Variants in TRAPPC8 observed in about 807,000 individuals in gnomAD.
TRAPPC8 encodes general sporulation gene 1 homolog.
TRAPPC8 carries 54 observed loss-of-function variants against 174.3 expected under a neutral mutation model. The observed-to-expected ratio is 0.31, with a 90% confidence interval of 0.25 to 0.39. The LOEUF (loss-of-function observed/expected upper bound fraction) is 0.39, where lower values mean the gene tolerates loss of function less well. TRAPPC8 is among the 10% of genes least tolerant of loss of function. The probability of loss-of-function intolerance (pLI) is 1.00; values close to 1 mark genes in which losing one functional copy is unlikely to be tolerated. For synonymous variants in TRAPPC8, 630 were observed against 579.9 expected (o/e 1.09, Z -1.24); for missense variants, 1,531 against 1,699.1 (o/e 0.90, Z 1.74).
At position 31,864,772 on chromosome 18, in the gene TRAPPC8, G is replaced by C; in HGVS notation, c.2600C>G (p.Ser867Cys). 6.2e-7 allele frequency: 1 copy of C among 1,600,284 alleles called. No individual in the cohort carries two copies. Among genetic ancestry groups the C allele is most frequent in the Non-Finnish European group, 8.5e-7 (1 of 1,175,088 alleles). The change falls in exon 19 of 29, where the codon TCC (serine) becomes TGC (cysteine). Residue 867 changes from serine to cysteine, a missense_variant. Coordinates refer to ENST00000283351, the MANE Select transcript of TRAPPC8 (RefSeq NM_014939.5). ...CTTCCCTCGGACTGACATACTCAAG[G>C]AATATTTTCCTGAAATAAAAAACAA... ...ALPGCHTGKY[S>C]LSMSVRGKQD...
intron 1 of TRAPPC8, among the ~76,000 whole-genome samples, chr18:31,932,389 T>C (rs2037885713): frequency 6.6e-6 from 1 of 151,016 alleles, no homozygotes; most frequent in Non-Finnish European, 1.5e-5. Flanking sequence ...ATTGCACTGC[T>C]GCACTCTAGC....
At position 31,900,931 on chromosome 18, in the gene TRAPPC8, A is replaced by T. The variant is rs201086504; in HGVS notation, c.1484T>A (p.Ile495Asn). 5.7e-6 allele frequency: 9 copies of T among 1,588,402 alleles called. No homozygotes were observed. Among genetic ancestry groups the T allele is most frequent in the Non-Finnish European group, 7.7e-6 (9 of 1,172,714 alleles). ...MDTAIQTYRDICKNMVLAERC... is the reference protein window; with the variant it reads ...MDTAIQTYRDNCKNMVLAERC... ...ATCTTATATAGTCACCTACTTGCAG[A>T]TATCTCTGTATGTCTGAATTGCTGT... The change falls in exon 10 of 29, where the codon ATC becomes AAC. Residue 495 changes from isoleucine to asparagine, a missense_variant. Coordinates refer to ENST00000283351, the MANE Select transcript of TRAPPC8 (RefSeq NM_014939.5).
At chr18:31,858,099 A>G in intron 19 of TRAPPC8, 117 bp from the exon 20 acceptor site, 1 of 817,052 alleles carries the variant, frequency 1.2e-6, no homozygotes, top group Non-Finnish European at 1.9e-6. Context: ...TGTTTCATTA[A>G]TTCTTTGGTA....
At chr18:31,859,375 G>T (rs978884521) in intron 19 of TRAPPC8, among the ~76,000 whole-genome samples, 2 of 152,048 alleles carry the variant, frequency 1.3e-5, no homozygotes, top group Non-Finnish European at 2.9e-5. Flanking sequence ...TAGAAATCCC[G>T]CACATAGATT....
chr18:31,896,711 C>T (rs1190835295), intron 11 of TRAPPC8, among the ~76,000 whole-genome samples: 1 of 152,208 alleles, frequency 6.6e-6, no homozygotes, highest in East Asian at 1.9e-4. Context: ...CTGCAACCTC[C>T]ACCTTGTGCT....
At chr18:31,923,072 GTAA>G (rs1366175339) in intron 2 of TRAPPC8, among the ~76,000 whole-genome samples, 1 of 152,126 alleles carries the variant, frequency 6.6e-6, no homozygotes, top group Non-Finnish European at 1.5e-5. Context: ...GTAAGGAAGG[GTAA>G]TATGGTCTTC....
intron 4 of TRAPPC8, among the ~76,000 whole-genome samples, chr18:31,915,654 T>A (rs377178981): frequency 1.6e-4 from 25 of 151,900 alleles, no homozygotes; most frequent in Non-Finnish European, 3.1e-4. Flanking sequence ...CCCAGCACTT[T>A]GAGAGGCCCA....
chr18:31,890,179 CA>C (rs1257213005), intron 12 of TRAPPC8, among the ~76,000 whole-genome samples: 3 of 152,128 alleles, frequency 2.0e-5, no homozygotes, highest in Non-Finnish European at 2.9e-5. Flanking sequence ...TCTCAGCCTC[CA>C]AGAAAGCTAG....
Position 31,830,766 on chromosome 18 carries a change from T to C in TRAPPC8, c.4297A>G (p.Ser1433Gly), listed in dbSNP as rs2032311852. 2 of 1,613,286 alleles carry C rather than the reference T, an allele frequency of 1.2e-6. No individual in the cohort carries two copies. The highest frequency in any genetic ancestry group is 1.7e-6 in the Non-Finnish European group (2 of 1,179,464). The change falls in exon 29 of 29, where the codon AGT becomes GGT. Residue 1433 changes from serine (S) to glycine (G), a missense_variant. Coordinates refer to ENST00000283351, the MANE Select transcript of TRAPPC8 (RefSeq NM_014939.5). ...AAATTTCCAAGTTGTCACACATTAC[T>C]GATGATGATCAGGGCAGGCATGGAA... Reference protein sequence around the residue: ...QNSMPALIIISNV With the variant: ...QNSMPALIIIGNV
chr18:31,890,716 G>A lies in TRAPPC8; in HGVS notation c.1728+19C>T, dbSNP rs767476782. The A allele has an allele frequency of 2.5e-6, 4 of 1,590,990 alleles. No individual in the cohort carries two copies. The highest frequency in any genetic ancestry group is 2.7e-5 in the African/African-American group (2 of 73,774). On this transcript the variant is annotated intron_variant, in intron 12 of 28. Transcript: ENST00000283351. ...ATAAAATAAATAGCAACTTTTCATT[G>A]TAAAGCAAATGCACTCACCTGCCCT...
intron 27 of TRAPPC8, 149 bp downstream of exon 27, chr18:31,839,163 G>T: frequency 1.6e-6 from 1 of 608,268 alleles, no homozygotes. Flanking sequence ...GTCTAAACTT[G>T]AACTGTTTAG....
rs2032466265 is a variant in TRAPPC8, at chr18:31,832,971, A to G, written c.3984-798T>C. Among the ~76,000 whole-genome samples the G allele has an allele frequency of 2.6e-5, 4 of 152,270 alleles. No homozygotes were observed. The South Asian group carries it at 8.3e-4, about 32-fold the overall frequency. ...CAGATAATATATTTTATACTTTCAG[A>G]AACTTTATATCTTCTTACTGAGAAA... On this transcript the variant is annotated intron_variant, in intron 27 of 28. Transcript: ENST00000283351.
In TRAPPC8 at chr18:31,932,997, C is replaced by CAAA. The variant is rs35234467; in HGVS notation, c.158-1477_158-1475dup. Among the ~76,000 whole-genome samples, 296 of 42,590 alleles carry CAAA rather than the reference C, an allele frequency of 6.9e-3. 17 individuals are homozygous for CAAA. Among genetic ancestry groups the CAAA allele is most frequent in the Non-Finnish European group, 8.2e-3 (226 of 27,452 alleles). The allele number at this position is 42,590 out of a possible 152,430, so 27.9% of individuals were successfully genotyped here. On this transcript the variant is annotated intron_variant, in intron 1 of 28. Transcript: ENST00000283351. Reference sequence around the variant, plus strand: ...TGGGCGACAGAGTGAGACTCCGTCTCAAAAAAAAAAAAAAAAAAAAAAAGC... The same window carrying CAAA: ...TGGGCGACAGAGTGAGACTCCGTCTCAAAAAAAAAAAAAAAAAAAAAAAAAAGC...
At chr18:31,917,733 T>C in intron 2 of TRAPPC8, 66 bp from the exon 3 acceptor site, 1 of 1,422,454 alleles carries the variant, frequency 7.0e-7, no homozygotes, top group Non-Finnish European at 9.7e-7. Flanking sequence ...CAGACAAAAT[T>C]TCAAGTCCAT....
At position 31,864,708 on chromosome 18, in the gene TRAPPC8, T is replaced by C; in HGVS notation, c.2664A>G (p.Thr888=). The C allele has an allele frequency of 6.2e-7, 1 of 1,613,288 alleles. No individual in the cohort carries two copies. Among genetic ancestry groups the C allele is most frequent in the Non-Finnish European group, 8.5e-7 (1 of 1,179,558 alleles). Residue 888 remains threonine, a synonymous_variant, in exon 19 of 29, where the codon ACA becomes ACG. Transcript: ENST00000283351. The part of the protein sequence containing the change: ...LEIQGPRLNN[T]KEEKTSVKYG... ...ATTTAACAGATGTTTTCTCTTCTTT[T>C]GTGTTGTTAAGTCGAGGACCTTGAA... is the stretch of plus-strand genomic sequence containing the variant.
At chr18:31,915,460 CAA>C in intron 4 of TRAPPC8, among the ~76,000 whole-genome samples, 1 of 96,886 alleles carries the variant, frequency 1.0e-5, no homozygotes, top group South Asian at 3.9e-4. Flanking sequence ...GAAACCCCAT[CAA>C]AAAAAAAGGG....
chr18:31,887,487 A>G (rs1351726094), intron 12 of TRAPPC8, among the ~76,000 whole-genome samples: 1 of 152,018 alleles, frequency 6.6e-6, no homozygotes. Flanking sequence ...TCTACTAAAA[A>G]TACAAAAAAT....
chr18:31,845,189 A>ATAAAT (rs200847171), intron 26 of TRAPPC8: 3 of 148,988 alleles, frequency 2.0e-5, no homozygotes, highest in Middle Eastern at 3.2e-3. Context: ...AAAAAAAAAA[A>ATAAAT]AAATAAATAA....
chr18:31,886,974 C>G (rs2035747460), intron 12 of TRAPPC8, among the ~76,000 whole-genome samples: 1 of 152,120 alleles, frequency 6.6e-6, no homozygotes, highest in Non-Finnish European at 1.5e-5. Context: ...CACACACACA[C>G]ACACTTCTGG....
Sources: gnomAD v4.1 joint callset for allele counts (sites outside exome capture counted in the v4.1 genomes callset) on GRCh38, gnomAD v4.1.1 for gene constraint, MANE v1.5 for transcripts, NCBI Gene and HGNC (gene_info 2026-07-23, HGNC 2026-07-21) for gene names.